The following SORCS2 variants were observed in gnomAD, a reference collection of about 807,000 sequenced individuals.
The protein encoded by SORCS2 is VPS10 domain-containing receptor SorCS2.
Under a neutral mutation model 141.6 loss-of-function variants are expected in SORCS2, and 100 were observed. The ratio of observed to expected loss-of-function variants is 0.71; its 90% CI spans 0.60 to 0.83. The LOEUF is 0.83. Among genes scored for constraint, SORCS2 ranks in the 40% least tolerant of loss-of-function variants. The pLI is 0.00. For synonymous variants in SORCS2, 789 were observed against 676.9 expected, an observed-to-expected ratio of 1.17 and a Z score of -2.57; for missense variants, 1,646 against 1,560.2, an observed-to-expected ratio of 1.05 and a Z score of -0.93.
At chr4:7,379,308 T>C (rs1297686188) in intron 1 of SORCS2, among the ~76,000 whole-genome samples, 1 of 152,126 alleles carries the variant, frequency 6.6e-6, no homozygotes, top group African/African-American at 2.4e-5. Context: ...GAGGGCAGGA[T>C]CACCACTGGG....
rs771159027 is a variant in SORCS2, at chr4:7,300,075, C to T, written c.481-96213C>T. 8.5e-5 allele frequency among the ~76,000 whole-genome samples: 13 copies of T among 152,170 alleles called. 1 individual carries two copies. The highest frequency in any genetic ancestry group is 2.0e-4 in the Admixed American group (3 of 15,284). ...AGAATCAGGACGAGAGAGGATGGCG[C>T]GCCCTCCGCCTGCTGAGGACCGGGA... On this transcript the variant is annotated intron_variant, in intron 1 of 26. Coordinates refer to ENST00000507866, the MANE Select transcript of SORCS2 (RefSeq NM_020777.3).
chr4:7,289,380 A>C (rs1716461049), intron 1 of SORCS2, among the ~76,000 whole-genome samples: 1 of 152,056 alleles, frequency 6.6e-6, no homozygotes, highest in Admixed American at 6.5e-5. Flanking sequence ...ATCACATATT[A>C]GTGTCTGGTC....
chr4:7,599,170 G>A (rs1296225520), intron 3 of SORCS2, among the ~76,000 whole-genome samples: 1 of 77,530 alleles, frequency 1.3e-5, no homozygotes. Context: ...GGCGGCCCCA[G>A]CTCACCCGAG....
At chr4:7,219,920 T>A (rs4689648) in intron 1 of SORCS2, among the ~76,000 whole-genome samples, 16 of 152,052 alleles carry the variant, frequency 1.1e-4, no homozygotes, top group Non-Finnish European at 1.8e-4. Context: ...TTCTGCACCC[T>A]CGTGTTCCAC....
intron 8 of SORCS2, among the ~76,000 whole-genome samples, chr4:7,669,034 G>A (rs774084968): frequency 7.2e-5 from 11 of 152,316 alleles, no homozygotes; most frequent in Non-Finnish European, 8.8e-5. Flanking sequence ...CTCCCTGGGC[G>A]TCTGCTCCCT....
At chr4:7,368,474 G>T (rs758144095) in intron 1 of SORCS2, among the ~76,000 whole-genome samples, 1 of 152,128 alleles carries the variant, frequency 6.6e-6, no homozygotes, top group East Asian at 1.9e-4. Flanking sequence ...TCAGGGTCAC[G>T]CCTGCCAATC....
At chr4:7,403,034 C>A (rs1005967511) in intron 2 of SORCS2, among the ~76,000 whole-genome samples, 2 of 152,106 alleles carry the variant, frequency 1.3e-5, no homozygotes, top group African/African-American at 4.8e-5. Context: ...TCATTCTTTC[C>A]CAACACCTTC....
At chr4:7,627,645 G>T in intron 3 of SORCS2, among the ~76,000 whole-genome samples, 1 of 152,334 alleles carries the variant, frequency 6.6e-6, no homozygotes, top group Non-Finnish European at 1.5e-5. Flanking sequence ...GAGGAGCCAT[G>T]AAAAATGCCT....
intron 2 of SORCS2, among the ~76,000 whole-genome samples, chr4:7,489,053 G>A (rs767851161): frequency 2.5e-4 from 38 of 152,174 alleles, no homozygotes; most frequent in Non-Finnish European, 5.4e-4. Context: ...GCTAAGGCTG[G>A]GGATACCTTC....
chr4:7,196,910 C>A (rs565850541), intron 1 of SORCS2, among the ~76,000 whole-genome samples: 1 of 152,200 alleles, frequency 6.6e-6, no homozygotes, highest in Non-Finnish European at 1.5e-5. Flanking sequence ...TACCCATGGC[C>A]TCTCCCCAAG....
chr4:7,633,243 G>A (rs562196343), intron 3 of SORCS2, among the ~76,000 whole-genome samples: 45 of 152,216 alleles, frequency 3.0e-4, no homozygotes, highest in African/African-American at 7.7e-4. Context: ...AACATCCTCC[G>A]CTAACTGGAG....
chr4:7,673,192 C>T (rs1283107395), intron 8 of SORCS2, among the ~76,000 whole-genome samples: 2 of 152,296 alleles, frequency 1.3e-5, no homozygotes, highest in Non-Finnish European at 1.5e-5. Flanking sequence ...ATACATAAAA[C>T]GAAATACGTG....
chr4:7,409,305 C>G (rs1282663562), intron 2 of SORCS2, among the ~76,000 whole-genome samples: 3 of 152,178 alleles, frequency 2.0e-5, no homozygotes, highest in Non-Finnish European at 2.9e-5. Context: ...GGAGTGCTGC[C>G]TTTCCCAAAT....
chr4:7,398,610 T>G (rs1245377278), intron 2 of SORCS2, among the ~76,000 whole-genome samples: 1 of 152,224 alleles, frequency 6.6e-6, no homozygotes, highest in Non-Finnish European at 1.5e-5. Context: ...ACTTTCTTTG[T>G]TTATATTATC....
chr4:7,316,016 A>T (rs1316765775), intron 1 of SORCS2, among the ~76,000 whole-genome samples: 1 of 150,702 alleles, frequency 6.6e-6, no homozygotes, highest in South Asian at 2.1e-4. Flanking sequence ...TATCCTTTCT[A>T]TCCACCCATT....
At chr4:7,290,790 G>GCATTTTTT (rs1716547142) in intron 1 of SORCS2, among the ~76,000 whole-genome samples, 1 of 105,684 alleles carries the variant, frequency 9.5e-6, no homozygotes, top group South Asian at 3.4e-4. Context: ...TGCAGAGGCT[G>GCATTTTTT]CATTCTTTCA....
chr4:7,322,412 C>T (rs923520514), intron 1 of SORCS2, among the ~76,000 whole-genome samples: 1 of 152,226 alleles, frequency 6.6e-6, no homozygotes, highest in Non-Finnish European at 1.5e-5. Flanking sequence ...AGCCTGCTCT[C>T]ACTTTCCCGG....
intron 9 of SORCS2, among the ~76,000 whole-genome samples, chr4:7,682,269 G>A (rs1415095462): frequency 6.6e-6 from 1 of 152,168 alleles, no homozygotes; most frequent in African/African-American, 2.4e-5. Flanking sequence ...TGGCATGTTT[G>A]TATGGGGATT....
At position 7,286,171 on chromosome 4, in the gene SORCS2, T is replaced by C. The variant is rs535931017; in HGVS notation, c.480+93045T>C. 3.3e-5 allele frequency among the ~76,000 whole-genome samples: 5 copies of C among 152,312 alleles called. No homozygotes were observed. The South Asian group carries it at 8.3e-4, about 25-fold the overall frequency. ...CAGTCTCCTAGAGTCTCCAGCTGGG[T>C]CTCCAGGCCTGTGCCGGTCCTCACT... On this transcript the variant is annotated intron_variant, in intron 1 of 26. Coordinates refer to ENST00000507866, the MANE Select transcript of SORCS2 (RefSeq NM_020777.3). This position sits in a 1 kb window ranked among gnomAD's most constrained non-coding sequence, Gnocchi z 4.1.
Sources: gnomAD v4.1 joint callset for allele counts (sites outside exome capture counted in the v4.1 genomes callset) on GRCh38, gnomAD v4.1.1 for gene constraint, Gnocchi (gnomAD v3.1) non-coding constraint, MANE v1.5 for transcripts, NCBI Gene and HGNC (gene_info 2026-07-23, HGNC 2026-07-21) for gene names.